Variants in ZMYM5 observed in about 807,000 individuals in gnomAD.
ZMYM5 encodes zinc finger MYM-type protein 5.
ZMYM5 carries 41 observed loss-of-function variants against 61.8 expected under a neutral mutation model. The ratio of observed to expected loss-of-function variants is 0.66; its 90% confidence interval spans 0.52 to 0.86. ZMYM5 has a LOEUF of 0.86. Among genes scored for constraint, ZMYM5 ranks in the 40% least tolerant of loss-of-function variants. ZMYM5 has a pLI of 0.00. For synonymous variants in ZMYM5, 257 were observed against 276.4 expected, an observed-to-expected ratio of 0.93 and a Z score of 0.70; for missense variants, 706 against 786.7, an observed-to-expected ratio of 0.90 and a Z score of 1.23.
At chr13:19,855,793 T>C (rs1320817638) in intron 2 of ZMYM5, among the ~76,000 whole-genome samples, 3 of 150,716 alleles carry the variant, frequency 2.0e-5, no homozygotes, top group East Asian at 2.0e-4. Context: ...GGGTGGATCA[T>C]GAGGTCAGGA....
At chr13:19,844,371 T>C (rs919942443) in intron 4 of ZMYM5, among the ~76,000 whole-genome samples, 1 of 152,174 alleles carries the variant, frequency 6.6e-6, no homozygotes, top group Admixed American at 6.5e-5. Flanking sequence ...TATTTCAAAG[T>C]CTTTGACACC....
chr13:19,840,224 G>C (rs954479480), intron 4 of ZMYM5, among the ~76,000 whole-genome samples: 1 of 152,138 alleles, frequency 6.6e-6, no homozygotes, highest in African/African-American at 2.4e-5. Context: ...GATCACTTGA[G>C]GCCAGAGGTT....
At chr13:19,837,121 T>G (rs1356082111) in intron 6 of ZMYM5, among the ~76,000 whole-genome samples, 4 of 151,756 alleles carry the variant, frequency 2.6e-5, no homozygotes, top group Admixed American at 1.3e-4. Flanking sequence ...AGCCTCCGCC[T>G]CCCTGGTTCA....
At position 19,862,002 on chromosome 13, in the gene ZMYM5, C is replaced by G. The variant is rs186649899; in HGVS notation, c.-11+397G>C. Among the ~76,000 whole-genome samples the G allele has an allele frequency of 2.6e-5, 4 of 152,238 alleles. No homozygotes were observed. In the East Asian group the frequency reaches 7.7e-4, roughly 29 times the overall value. The stretch of plus-strand genomic sequence containing the variant: ...CGTGTGATGCTAGCTGGAGGACTGT[C>G]AGGGTACATAAATAACAGTCTTCCT... On this transcript the variant is annotated intron_variant, in intron 2 of 7. Coordinates refer to ENST00000337963, the MANE Select transcript of ZMYM5 (RefSeq NM_001142684.2).
chr13:19,861,867 A>G (rs1426468392), intron 2 of ZMYM5, among the ~76,000 whole-genome samples: 1 of 151,836 alleles, frequency 6.6e-6, no homozygotes, highest in Non-Finnish European at 1.5e-5. Context: ...AAAAACCCGA[A>G]AAAACAAAAA....
intron 7 of ZMYM5, among the ~76,000 whole-genome samples, chr13:19,826,549 G>C (rs1273048730): frequency 6.6e-6 from 1 of 151,950 alleles, no homozygotes; most frequent in Non-Finnish European, 1.5e-5. Context: ...GAGGTCAGGA[G>C]TTCGAGACCG....
intron 4 of ZMYM5, among the ~76,000 whole-genome samples, chr13:19,846,755 CT>C (rs557556647): frequency 4.0e-5 from 6 of 149,152 alleles, no homozygotes; most frequent in East Asian, 2.0e-4. Flanking sequence ...CAGTCCCCCC[CT>C]TTTTTTTAAG....
chr13:19,852,272 T>G, intron 2 of ZMYM5, 82 bp from the exon 3 acceptor site: 2 of 1,401,466 alleles, frequency 1.4e-6, no homozygotes, highest in Non-Finnish European at 1.9e-6. Context: ...CACAAGCAAA[T>G]TTTTCAAATT....
In ZMYM5 at chr13:19,844,653, G is replaced by A. The variant is rs1014729558; in HGVS notation, c.587-5668C>T. On this transcript the variant is annotated intron_variant, in intron 4 of 7. Transcript: ENST00000337963. The stretch of plus-strand genomic sequence containing the variant: ...CTCTTTCTTTTTGAGATGGAGTTTC[G>A]CTCTTGTTGCCAGGCTGGAGTGCAG... Among the ~76,000 whole-genome samples, 11 of 152,042 alleles carry A rather than the reference G, an allele frequency of 7.2e-5. 1 individual carries two copies. The South Asian group carries it at 8.3e-4, about 11-fold the overall frequency.
intron 7 of ZMYM5, among the ~76,000 whole-genome samples, chr13:19,834,456 T>G (rs1593856739): frequency 8.2e-6 from 1 of 122,456 alleles, no homozygotes; most frequent in Non-Finnish European, 1.8e-5. Flanking sequence ...CACATTTTAA[T>G]TTTTTTTTTT....
rs573820003 is a variant in ZMYM5, at chr13:19,829,111, C to T, written c.1252-3876G>A. Among the ~76,000 whole-genome samples the T allele has an allele frequency of 9.0e-4, 136 of 151,876 alleles. 1 individual carries two copies. The highest frequency in any genetic ancestry group is 3.2e-3 in the African/African-American group (132 of 41,442). On this transcript the variant is annotated intron_variant, in intron 7 of 7. Transcript: ENST00000337963. ...AGGGAGAGACCCTGTCTCCAACAAA[C>T]AAAACAAAACAAAAAAAACCAGATA... is the stretch of plus-strand genomic sequence containing the variant.
At chr13:19,835,812 T>A in intron 6 of ZMYM5, 123 bp from the exon 7 acceptor site, 1 of 666,990 alleles carries the variant, frequency 1.5e-6, no homozygotes, top group Non-Finnish European at 2.2e-6. Context: ...GAGGAAGATA[T>A]ACCCAGGGAA....
At chr13:19,860,142 T>C (rs1953678495) in intron 2 of ZMYM5, among the ~76,000 whole-genome samples, 1 of 146,082 alleles carries the variant, frequency 6.8e-6, no homozygotes, top group Non-Finnish European at 1.5e-5. Flanking sequence ...AAAAAAGAAT[T>C]ATAGATGGAG....
At chr13:19,829,162 C>A (rs1891077464) in intron 7 of ZMYM5, among the ~76,000 whole-genome samples, 1 of 152,088 alleles carries the variant, frequency 6.6e-6, no homozygotes. Context: ...ACCAACTAGT[C>A]ATGCCAGGTT....
At chr13:19,841,251 T>A (rs1952867452) in intron 4 of ZMYM5, among the ~76,000 whole-genome samples, 1 of 152,176 alleles carries the variant, frequency 6.6e-6, no homozygotes, top group African/African-American at 2.4e-5. Context: ...CGTGAGCCAC[T>A]GGGCCTGACC....
At chr13:19,837,193 A>T (rs1214415623) in intron 6 of ZMYM5, among the ~76,000 whole-genome samples, 6 of 151,680 alleles carry the variant, frequency 4.0e-5, no homozygotes, top group Admixed American at 2.6e-4. Context: ...TAATTTTTGT[A>T]TTTTTAGTAG....
chr13:19,830,566 C>T (rs2138490799), intron 7 of ZMYM5, among the ~76,000 whole-genome samples: 1 of 152,186 alleles, frequency 6.6e-6, no homozygotes, highest in South Asian at 2.1e-4. Flanking sequence ...GACAGTCTCA[C>T]ACTGTCACCC....
chr13:19,859,423 G>A (rs2138661543), intron 2 of ZMYM5, among the ~76,000 whole-genome samples: 1 of 152,176 alleles, frequency 6.6e-6, no homozygotes, highest in Non-Finnish European at 1.5e-5. Context: ...TTGTTTTTGA[G>A]ACGGAGTCTC....
chr13:19,852,031 T>C lies in ZMYM5; in HGVS notation c.150A>G (p.Pro50=). The change falls in exon 3 of 8, where the codon CCA becomes CCG. Residue 50 remains proline (P), a synonymous_variant. Transcript: ENST00000337963. The stretch of plus-strand genomic sequence containing the variant: ...CATCATCATCATCATCATCTTCCAC[T>C]GGTGAGTTCCTAGATCTACTGACTA... ...CPLVSRSRNS[P]VEDDDDDDDV... is the part of the protein sequence containing the mutation. 1 of 1,614,008 alleles carries C rather than the reference T, an allele frequency of 6.2e-7. No individual in the cohort carries two copies. The highest frequency in any genetic ancestry group is 8.5e-7 in the Non-Finnish European group (1 of 1,180,008).
Sources: allele counts gnomAD v4.1 joint callset (sites outside exome capture counted in the v4.1 genomes callset), GRCh38; gene constraint gnomAD v4.1.1; transcripts MANE v1.5; gene names NCBI Gene and HGNC (gene_info 2026-07-23, HGNC 2026-07-21).